Variants in FRK observed in about 807,000 individuals in gnomAD.
The protein encoded by FRK is tyrosine-protein kinase FRK.
Under a neutral mutation model 56.4 loss-of-function variants are expected in FRK, and 51 were observed. The observed-to-expected ratio is 0.90, with a 90% CI of 0.72 to 1.14. The LOEUF (loss-of-function observed/expected upper bound fraction) is 1.14. Among genes scored for constraint, FRK ranks in the 50% most tolerant of loss-of-function variants. The probability of loss-of-function intolerance (pLI) is 0.00; values close to 1 mark genes in which losing one functional copy is unlikely to be tolerated. For missense variants in FRK, 570 were observed against 601.4 expected (o/e 0.95, Z 0.55); for synonymous variants, 245 against 217.9 (o/e 1.12, Z -1.10).
chr6:116,045,372 C>T lies in FRK; in HGVS notation c.344+14596G>A, dbSNP rs186713185. Among the ~76,000 whole-genome samples, 410 of 152,068 alleles carry T rather than the reference C, an allele frequency of 2.7e-3. 1 individual carries two copies. Among genetic ancestry groups the T allele is most frequent in the African/African-American group, 8.9e-3 (370 of 41,496 alleles). ...CAGTAACCAAAACAGCATGGTACTG[C>T]TACCAAAACAGATATATAGACCAAT... On this transcript the variant is annotated intron_variant, in intron 1 of 7. Coordinates refer to ENST00000606080, the MANE Select transcript of FRK (RefSeq NM_002031.3).
intron 2 of FRK, among the ~76,000 whole-genome samples, chr6:115,983,446 A>G (rs1490003276): frequency 6.6e-6 from 1 of 152,186 alleles, no homozygotes; most frequent in Non-Finnish European, 1.5e-5. Flanking sequence ...AGTCTATTCT[A>G]TGACTGACAC....
At chr6:115,993,488 T>C (rs1425439736) in intron 2 of FRK, among the ~76,000 whole-genome samples, 1 of 151,884 alleles carries the variant, frequency 6.6e-6, no homozygotes, top group Non-Finnish European at 1.5e-5. Context: ...TATAAATGTT[T>C]TCACTTATTT....
At chr6:116,093,937 C>A in the FRK span, among the ~76,000 whole-genome samples, 1 of 152,146 alleles carries the variant, frequency 6.6e-6, no homozygotes, top group Non-Finnish European at 1.5e-5. Context: ...ATTATTAAAC[C>A]TGGCAACCTC....
intron 5 of FRK, among the ~76,000 whole-genome samples, chr6:115,946,323 TC>T (rs1772451020): frequency 1.3e-5 from 2 of 152,142 alleles, no homozygotes; most frequent in Non-Finnish European, 2.9e-5. Context: ...AGCTTAACAT[TC>T]CTATGCCTCA....
At chr6:116,095,008 A>G in the FRK span, among the ~76,000 whole-genome samples, 1 of 152,282 alleles carries the variant, frequency 6.6e-6, no homozygotes, top group Non-Finnish European at 1.5e-5. Context: ...CTATAACCCT[A>G]TAACACTCCA....
intron 5 of FRK, among the ~76,000 whole-genome samples, chr6:115,952,845 T>A (rs1165782872): frequency 6.8e-6 from 1 of 147,662 alleles, no homozygotes; most frequent in Non-Finnish European, 1.5e-5. Flanking sequence ...CACCGCATGT[T>A]CTTACTCATA....
At chr6:115,962,347 T>A (rs1773408649) in intron 4 of FRK, among the ~76,000 whole-genome samples, 1 of 151,530 alleles carries the variant, frequency 6.6e-6, no homozygotes, top group Admixed American at 6.6e-5. Context: ...AGAGGCTAAC[T>A]ATCCTAAATA....
chr6:116,042,860 A>AT (rs755056520), intron 1 of FRK, among the ~76,000 whole-genome samples: 1 of 152,204 alleles, frequency 6.6e-6, no homozygotes, highest in Non-Finnish European at 1.5e-5. Context: ...GCAAAGACAC[A>AT]TACAGGCTCA....
chr6:115,952,498 G>A (rs1194200189), intron 5 of FRK, among the ~76,000 whole-genome samples: 16 of 152,032 alleles, frequency 1.1e-4, no homozygotes, highest in Non-Finnish European at 2.2e-4. Flanking sequence ...TTCAACCATT[G>A]TGGAAGTCAG....
chr6:116,073,777 C>T, the FRK span, among the ~76,000 whole-genome samples: 5 of 152,120 alleles, frequency 3.3e-5, no homozygotes, highest in Admixed American at 3.3e-4. Context: ...AATCAATTCC[C>T]ATAACAGCAA....
At chr6:115,960,092 G>T (rs1489146703) in intron 4 of FRK, among the ~76,000 whole-genome samples, 1 of 152,222 alleles carries the variant, frequency 6.6e-6, no homozygotes, top group East Asian at 1.9e-4. Flanking sequence ...CAGCGTGAGC[G>T]ACGCAGAAGA....
rs1775606736 is a variant in FRK, at chr6:116,015,220, T to C, written c.345-11222A>G. Among the ~76,000 whole-genome samples, 3 of 152,322 alleles carry C rather than the reference T, an allele frequency of 2.0e-5. No individual in the cohort carries two copies. The South Asian group carries it at 6.2e-4, about 32-fold the overall frequency. On this transcript the variant is annotated intron_variant, in intron 1 of 7. Transcript: ENST00000606080. ...GATGACTGGATCATGAGGGTGTTTC[T>C]TCCCATGCCGTTCTCATGGTAGTGA...
At chr6:116,051,830 A>G (rs954008063) in intron 1 of FRK, among the ~76,000 whole-genome samples, 1 of 152,144 alleles carries the variant, frequency 6.6e-6, no homozygotes, top group African/African-American at 2.4e-5. Flanking sequence ...TTTTTTGGTA[A>G]TGTTAGAATG....
intron 2 of FRK, among the ~76,000 whole-genome samples, chr6:115,986,843 G>A (rs1210001933): frequency 6.6e-6 from 1 of 152,144 alleles, no homozygotes; most frequent in Admixed American, 6.6e-5. Flanking sequence ...ATCGAGTAAT[G>A]TGTGTTGACA....
intron 1 of FRK, among the ~76,000 whole-genome samples, chr6:116,041,888 C>T (rs560606867): frequency 3.9e-5 from 6 of 152,274 alleles, no homozygotes; most frequent in South Asian, 2.1e-4. Context: ...GGATCACCAG[C>T]GAGACAGAAC....
chr6:116,035,188 T>C (rs1299682975), intron 1 of FRK, among the ~76,000 whole-genome samples: 1 of 152,026 alleles, frequency 6.6e-6, no homozygotes, highest in Non-Finnish European at 1.5e-5. Flanking sequence ...AGAGGGGAAG[T>C]AGAGTCAAGC....
At chr6:116,065,604 C>T (rs1181508152), upstream of FRK, among the ~76,000 whole-genome samples, 1 of 152,128 alleles carries the variant, frequency 6.6e-6, no homozygotes, top group African/African-American at 2.4e-5. Context: ...TTTTAAGAAT[C>T]GAATAAAATG....
chr6:115,966,062 T>TTA (rs371133002), intron 4 of FRK, among the ~76,000 whole-genome samples: 1 of 126,570 alleles, frequency 7.9e-6, no homozygotes, highest in Non-Finnish European at 1.7e-5. Flanking sequence ...AAAAAAAAAT[T>TTA]AAAAAAAAAA....
chr6:115,945,411 G>A (rs887303217), intron 5 of FRK, among the ~76,000 whole-genome samples: 2 of 152,088 alleles, frequency 1.3e-5, no homozygotes, highest in African/African-American at 4.8e-5. Context: ...CATTCTGGCT[G>A]GTGAGAGATG....
Sources: allele counts gnomAD v4.1 joint callset (sites outside exome capture counted in the v4.1 genomes callset), GRCh38; gene constraint gnomAD v4.1.1; transcripts MANE v1.5; gene names NCBI Gene and HGNC (gene_info 2026-07-23, HGNC 2026-07-21).